Variants in STYX observed in about 807,000 individuals in gnomAD.
The protein encoded by STYX is serine/threonine/tyrosine-interacting protein.
Under a neutral mutation model 42.7 loss-of-function variants are expected in STYX, and 20 were observed. That is an observed-to-expected ratio of 0.47 (90% CI 0.33 to 0.68). The LOEUF is 0.68. STYX is among the 30% of genes least tolerant of loss of function. STYX has a pLI of 0.02. For synonymous variants in STYX, 78 were observed against 81.9 expected (o/e 0.95, Z 0.26); for missense variants, 226 against 268.5 (o/e 0.84, Z 1.11).
At chr14:52,732,348 C>T (rs974087913) in intron 1 of STYX, among the ~76,000 whole-genome samples, 2 of 149,426 alleles carry the variant, frequency 1.3e-5, no homozygotes, top group Non-Finnish European at 3.0e-5. Context: ...TCTGGGCTCA[C>T]TGCAAGCTCT....
chr14:52,746,354 G>T, intron 2 of STYX, 72 bp from the exon 3 acceptor site: 1 of 1,150,254 alleles, frequency 8.7e-7, no homozygotes, highest in Non-Finnish European at 1.2e-6. Flanking sequence ...GCCAAATAAG[G>T]TTTGTCTTAT....
intron 9 of STYX, among the ~76,000 whole-genome samples, chr14:52,761,028 A>G (rs1312607671): frequency 2.0e-5 from 3 of 152,240 alleles, no homozygotes; most frequent in East Asian, 1.9e-4. Flanking sequence ...AATAGTATAT[A>G]CATATGTTTA....
intron 10 of STYX, 28 bp from the exon 11 acceptor site, chr14:52,771,005 C>A: frequency 6.2e-7 from 1 of 1,604,546 alleles, no homozygotes; most frequent in African/African-American, 1.3e-5. Context: ...TTTTAGTGCC[C>A]TTTTAATCTT....
At chr14:52,733,797 C>G (rs1555358106) in intron 1 of STYX, among the ~76,000 whole-genome samples, 1 of 151,978 alleles carries the variant, frequency 6.6e-6, no homozygotes, top group Non-Finnish European at 1.5e-5. Flanking sequence ...AAGAATTGGA[C>G]AAAACTCCAA....
At chr14:52,746,946 C>G (rs1272610632) in intron 3 of STYX, among the ~76,000 whole-genome samples, 1 of 152,172 alleles carries the variant, frequency 6.6e-6, no homozygotes, top group African/African-American at 2.4e-5. Flanking sequence ...TAGTTGGTAT[C>G]CCCGCTCTGA....
intron 1 of STYX, among the ~76,000 whole-genome samples, chr14:52,735,199 T>C (rs1202287576): frequency 6.6e-6 from 1 of 152,260 alleles, no homozygotes; most frequent in Non-Finnish European, 1.5e-5. Context: ...GAGTCTCTGC[T>C]TTCTCTCTGG....
intron 8 of STYX, 115 bp from the exon 9 acceptor site, chr14:52,759,567 A>G: frequency 1.4e-6 from 1 of 712,658 alleles, no homozygotes; most frequent in Non-Finnish European, 2.4e-6. Context: ...GTGATATTTA[A>G]TCTCATCATG....
chr14:52,770,111 T>C (rs1536175), intron 10 of STYX, among the ~76,000 whole-genome samples: 147,695 of 152,206 alleles, frequency 0.97, 71,822 homozygotes, highest in East Asian at 1. Context: ...CACTCTTCCT[T>C]TAACCCCTAG....
chr14:52,747,686 A>G (rs573583227), intron 3 of STYX, among the ~76,000 whole-genome samples: 1 of 152,370 alleles, frequency 6.6e-6, no homozygotes, highest in African/African-American at 2.4e-5. Flanking sequence ...TGTACTTTAT[A>G]AATATACATA....
intron 10 of STYX, 113 bp from the exon 11 acceptor site, chr14:52,770,920 G>C (rs1353217418): frequency 1.4e-6 from 1 of 699,138 alleles, no homozygotes; most frequent in South Asian, 3.2e-5. Flanking sequence ...TATATCAGTT[G>C]TGGAATTTTC....
rs1329515217 is a variant in STYX at position 52,774,874 on chromosome 14, T to TG, written c.*3769dup. ...CATTTGTACTTGGATAAAATGCTTA[T>TG]GTCTGTATAGGAATGTCACAGTGCA... On this transcript the variant is annotated 3_prime_UTR_variant, in exon 11 of 11. Transcript: ENST00000354586. The TG allele has an allele frequency of 6.6e-6, 1 of 152,220 alleles. No homozygotes were observed. Among genetic ancestry groups the TG allele is most frequent in the Admixed American group, 6.5e-5 (1 of 15,274 alleles). The allele number at this position is 152,220 out of a possible 1,614,324, so 9.4% of individuals were successfully genotyped here.
chr14:52,757,849 T>G (rs1391699193), intron 7 of STYX, 25 bp from the exon 8 acceptor site: 1 of 1,613,082 alleles, frequency 6.2e-7, no homozygotes, highest in East Asian at 2.2e-5. Context: ...TCTGGTTGTT[T>G]TTAAAATTAT....
intron 9 of STYX, among the ~76,000 whole-genome samples, chr14:52,767,928 A>G (rs972337454): frequency 6.6e-6 from 1 of 152,184 alleles, no homozygotes; most frequent in East Asian, 1.9e-4. Flanking sequence ...GCTTGGCTAC[A>G]TGCAACCAAA....
At chr14:52,762,878 CTTTCTTTTTT>C (rs1882150038) in intron 9 of STYX, among the ~76,000 whole-genome samples, 3 of 77,430 alleles carry the variant, frequency 3.9e-5, no homozygotes, top group African/African-American at 1.1e-4. Context: ...TTCTTTCTTT[CTTTCTTTTTT>C]TTTTTTTTTT....
In STYX at chr14:52,741,210, T is replaced by TTATATA. The variant is rs537656982; in HGVS notation, c.58-3626_58-3621dup. Among the ~76,000 whole-genome samples the TTATATA allele has an allele frequency of 4.2e-5, 6 of 143,686 alleles. No individual in the cohort carries two copies. The East Asian group carries it at 6.0e-4, about 14-fold the overall frequency. 94.3% of individuals were successfully genotyped at this position (143,686 alleles called of 152,430 possible). ...TAAGTCTTTGTGTGGATATATGTTT[T>TTATATA]TATATATATATATATATATATTTTT... On this transcript the variant is annotated intron_variant, in intron 1 of 10. Coordinates refer to ENST00000354586, the MANE Select transcript of STYX (RefSeq NM_145251.4).
At chr14:52,753,948 C>G (rs1430227205) in intron 4 of STYX, among the ~76,000 whole-genome samples, 2 of 121,820 alleles carry the variant, frequency 1.6e-5, no homozygotes, top group Non-Finnish European at 3.2e-5. Context: ...GTCATCCAGG[C>G]TAGAATGCAG....
intron 2 of STYX, among the ~76,000 whole-genome samples, chr14:52,745,112 G>GT (rs933806974): frequency 1.5e-3 from 204 of 138,804 alleles, no homozygotes; most frequent in South Asian, 7.6e-3. Context: ...CTTTCTCTTG[G>GT]TTTTTTTTTT....
chr14:52,754,983 C>T (rs1449342435), intron 4 of STYX, among the ~76,000 whole-genome samples: 1 of 152,058 alleles, frequency 6.6e-6, no homozygotes, highest in East Asian at 1.9e-4. Context: ...ACATTTTTCC[C>T]CTGAAGCATT....
intron 1 of STYX, among the ~76,000 whole-genome samples, chr14:52,741,232 T>TA (rs1246136254): frequency 1.8e-3 from 258 of 145,206 alleles, no homozygotes; most frequent in Non-Finnish European, 3.4e-3. Context: ...ATATATATAT[T>TA]TTTTTTTTGG....
Sources: allele counts gnomAD v4.1 joint callset (sites outside exome capture counted in the v4.1 genomes callset), GRCh38; gene constraint gnomAD v4.1.1; transcripts MANE v1.5; gene names NCBI Gene and HGNC (gene_info 2026-07-23, HGNC 2026-07-21).